The following TRPM3 variants were observed in gnomAD, a reference collection of about 807,000 sequenced individuals.
The protein encoded by TRPM3 is transient receptor potential cation channel subfamily M member 3, also known as long transient receptor potential channel 3.
TRPM3 carries 77 observed loss-of-function variants against 181.2 expected under a neutral mutation model. The observed-to-expected ratio is 0.42, with a 90% CI of 0.35 to 0.51. The LOEUF is 0.51. Ranked by LOEUF, TRPM3 falls within the 20% of genes least tolerant of loss-of-function variation. The pLI, the probability that TRPM3 is intolerant of heterozygous loss-of-function variation, is 0.01. For synonymous variants in TRPM3, 745 were observed against 796.4 expected (o/e 0.94, Z 1.09); for missense variants, 1,759 against 2,196.7 (o/e 0.80, Z 3.98).
chr9:70,827,674 A>G (rs932525162), intron 6 of TRPM3, 173 bp downstream of exon 6: 10 of 702,188 alleles, frequency 1.4e-5, no homozygotes, highest in Admixed American at 3.0e-5. Context: ...TACGCCTCCA[A>G]TTGTTCTCCT....
At chr9:70,597,795 A>C (rs769364913) in intron 21 of TRPM3, among the ~76,000 whole-genome samples, 10 of 152,206 alleles carry the variant, frequency 6.6e-5, no homozygotes, top group Admixed American at 1.3e-4. Context: ...CAAACACATG[A>C]TGCATGATAG....
At chr9:70,609,295 G>A (rs2061669688) in intron 19 of TRPM3, among the ~76,000 whole-genome samples, 1 of 152,154 alleles carries the variant, frequency 6.6e-6, no homozygotes, top group South Asian at 2.1e-4. Flanking sequence ...AAATAATATA[G>A]AGCTGTATAA....
chr9:70,759,607 GATAA>G (rs1171356911), intron 8 of TRPM3, among the ~76,000 whole-genome samples: 1 of 152,188 alleles, frequency 6.6e-6, no homozygotes, highest in African/African-American at 2.4e-5. Context: ...TGATAGACTG[GATAA>G]ATAAATTGTG....
chr9:70,904,949 A>G (rs920556873), intron 1 of TRPM3, among the ~76,000 whole-genome samples: 5 of 152,188 alleles, frequency 3.3e-5, no homozygotes, highest in South Asian at 2.1e-4. Context: ...CGAGTCTCAT[A>G]ACATCTGCTT....
intron 9 of TRPM3, among the ~76,000 whole-genome samples, chr9:70,658,004 A>G (rs1286928589): frequency 6.6e-6 from 1 of 152,158 alleles, no homozygotes; most frequent in Admixed American, 6.6e-5. Flanking sequence ...ATGGGCCCCT[A>G]TATCAGATTA....
chr9:70,831,078 G>C (rs1342470182), intron 5 of TRPM3, among the ~76,000 whole-genome samples: 1 of 152,304 alleles, frequency 6.6e-6, no homozygotes, highest in Middle Eastern at 3.4e-3. Context: ...ATCTAAGAGG[G>C]TGATGGTCTG....
At chr9:70,649,492 C>T (rs1013623140) in intron 9 of TRPM3, among the ~76,000 whole-genome samples, 2 of 152,048 alleles carry the variant, frequency 1.3e-5, no homozygotes, top group Non-Finnish European at 2.9e-5. Flanking sequence ...CCCAGCTTAA[C>T]AGATACTTCT....
intron 1 of TRPM3, among the ~76,000 whole-genome samples, chr9:71,389,897 TA>T (rs1159135224): frequency 6.6e-6 from 1 of 151,990 alleles, no homozygotes; most frequent in African/African-American, 2.4e-5. Context: ...ACCAAAAGCT[TA>T]AAAATCACCA....
intron 9 of TRPM3, among the ~76,000 whole-genome samples, chr9:70,657,291 A>G (rs989835442): frequency 1.4e-3 from 2 of 1,474 alleles, no homozygotes; most frequent in African/African-American, 2.8e-3. Context: ...TTAAATTGTA[A>G]GTTTTTTTTT....
Position 70,535,321 on chromosome 9 carries a change from G to T in TRPM3, c.*632C>A. ...TGGCACCAGAAGTGAATAGATAAGA[G>T]ACAGGTGAACTATGACTGTTACCTT... On this transcript the variant is annotated 3_prime_UTR_variant, in exon 26 of 26. Transcript: ENST00000677713. The T allele has an allele frequency of 1.6e-6, 2 of 1,246,028 alleles. No homozygotes were observed. Among genetic ancestry groups the T allele is most frequent in the South Asian group, 1.3e-5 (1 of 75,486 alleles). The allele number at this position is 1,246,028 out of a possible 1,614,324, so 77.2% of individuals were successfully genotyped here.
At chr9:71,171,373 A>G (rs1489363982) in intron 1 of TRPM3, among the ~76,000 whole-genome samples, 1 of 151,870 alleles carries the variant, frequency 6.6e-6, no homozygotes, top group Non-Finnish European at 1.5e-5. Flanking sequence ...CCTAATAAAA[A>G]CTTGCTGGTT....
At chr9:70,679,775 G>A (rs1487829092) in intron 9 of TRPM3, among the ~76,000 whole-genome samples, 1 of 152,174 alleles carries the variant, frequency 6.6e-6, no homozygotes, top group Non-Finnish European at 1.5e-5. Flanking sequence ...TTGGCACATA[G>A]TAAGTTCTCA....
intron 1 of TRPM3, among the ~76,000 whole-genome samples, chr9:71,007,123 T>C (rs1352711920): frequency 1.5e-5 from 2 of 137,492 alleles, no homozygotes; most frequent in Non-Finnish European, 3.1e-5. Context: ...GAAAGGGCCA[T>C]TATATAATGA....
intron 1 of TRPM3, among the ~76,000 whole-genome samples, chr9:71,171,993 G>A (rs2076887270): frequency 2.0e-5 from 3 of 151,974 alleles, no homozygotes. Context: ...CAACCTCCTG[G>A]GCTGAAGTCA....
At chr9:70,928,666 C>A (rs548102531) in intron 1 of TRPM3, among the ~76,000 whole-genome samples, 1 of 152,244 alleles carries the variant, frequency 6.6e-6, no homozygotes, top group East Asian at 1.9e-4. Context: ...AACATCATGA[C>A]CAACCTGAGC....
intron 1 of TRPM3, among the ~76,000 whole-genome samples, chr9:71,335,310 G>A (rs2090475899): frequency 6.6e-6 from 1 of 152,122 alleles, no homozygotes; most frequent in Non-Finnish European, 1.5e-5. Context: ...GGCAAATAAA[G>A]TTCTTTCAGA....
At chr9:70,779,067 G>A (rs1270155965) in intron 7 of TRPM3, among the ~76,000 whole-genome samples, 1 of 151,904 alleles carries the variant, frequency 6.6e-6, no homozygotes, top group Non-Finnish European at 1.5e-5. Context: ...CTTTGCCTCA[G>A]CTAATCAAGT....
intron 9 of TRPM3, among the ~76,000 whole-genome samples, chr9:70,678,994 G>C (rs149005154): frequency 6.6e-6 from 1 of 152,162 alleles, no homozygotes; most frequent in Non-Finnish European, 1.5e-5. Context: ...ATTCCCATTA[G>C]CATCAACTGC....
In TRPM3 at chr9:71,121,327, A is replaced by G. The variant is rs543887288; in HGVS notation, c.28T>C (p.Phe10Leu). The stretch of plus-strand genomic sequence containing the variant: ...CTGAAAACCTGAGCAATGCCTAGAA[A>G]ATAAACGGTCCCCCACGGCTCTGGC... Reference protein sequence around the residue: MPEPWGTVYFLGIAQVFSFL... With the variant: MPEPWGTVYLLGIAQVFSFL... The change falls in exon 1 of 26, where the codon TTT (phenylalanine) becomes CTT (leucine). Residue 10 changes from phenylalanine to leucine, a missense_variant. Phe to Leu is a conservative substitution (Grantham distance 22). This residue lies in a region of TRPM3 where 737 missense variants were observed against 957.4 expected (regional missense o/e 0.77). Transcript: ENST00000677713. 1.9e-5 allele frequency: 31 copies of G among 1,613,904 alleles called. No homozygotes were observed. In the South Asian group the frequency reaches 3.2e-4, roughly 17 times the overall value.
Sources: allele counts gnomAD v4.1 joint callset (sites outside exome capture counted in the v4.1 genomes callset), GRCh38; gene constraint gnomAD v4.1.1; regional missense constraint gnomAD v4.1.1; transcripts MANE v1.5; gene names NCBI Gene and HGNC (gene_info 2026-07-23, HGNC 2026-07-21).